Variants in ADAMTSL1 observed in about 807,000 individuals in gnomAD.
ADAMTSL1 encodes the protein ADAMTS like 1, also known as ADAMTS-like protein 1.
ADAMTSL1 carries 126 observed loss-of-function variants against 201.8 expected under a neutral mutation model. The ratio of observed to expected loss-of-function variants is 0.62; its 90% confidence interval spans 0.54 to 0.72. The LOEUF (loss-of-function observed/expected upper bound fraction) is 0.72, where lower values mean the gene tolerates loss of function less well. Among genes scored for constraint, ADAMTSL1 ranks in the 30% least tolerant of loss-of-function variants. The pLI is 0.00. For synonymous variants in ADAMTSL1, 1,121 were observed against 903.4 expected, an observed-to-expected ratio of 1.24 and a Z score of -4.32; for missense variants, 2,679 against 2,277.8, an observed-to-expected ratio of 1.18 and a Z score of -3.59.
chr9:18,885,441 T>C (rs1588305860), intron 23 of ADAMTSL1, among the ~76,000 whole-genome samples: 2 of 152,362 alleles, frequency 1.3e-5, no homozygotes, highest in African/African-American at 4.8e-5. Context: ...TTTCTTCTTT[T>C]TGATGCTGTT....
At chr9:18,441,734 G>T (rs889491148) in intron 2 of ADAMTSL1, among the ~76,000 whole-genome samples, 2 of 151,990 alleles carry the variant, frequency 1.3e-5, no homozygotes, top group Non-Finnish European at 2.9e-5. Flanking sequence ...TTAAATATGT[G>T]TGTCCCAGGA....
At position 17,909,680 on chromosome 9, in the gene ADAMTSL1, T is replaced by C. The variant is rs568361741; in HGVS notation, c.87+2758T>C. Reference sequence around the variant, plus strand: ...AAAAATGATGAGTTCATGTCCTTTGTAGGGACATGGATGAAATTGGAAATC... The same window carrying C: ...AAAAATGATGAGTTCATGTCCTTTGCAGGGACATGGATGAAATTGGAAATC... On this transcript the variant is annotated intron_variant, in intron 1 of 29. Coordinates refer to the ADAMTSL1 transcript ENST00000680146. Among the ~76,000 whole-genome samples, 21 of 67,302 alleles carry C rather than the reference T, an allele frequency of 3.1e-4. 8 individuals are homozygous for C. Among genetic ancestry groups the C allele is most frequent in the Admixed American group, 9.0e-4 (5 of 5,530 alleles). The allele number at this position is 67,302 out of a possible 152,430, so 44.2% of individuals were successfully genotyped here.
chr9:18,159,432 C>T (rs1224943013), intron 1 of ADAMTSL1, among the ~76,000 whole-genome samples: 1 of 152,010 alleles, frequency 6.6e-6, no homozygotes, highest in Non-Finnish European at 1.5e-5. Context: ...GTTATTTCCA[C>T]AGCTCTTCCT....
chr9:18,774,760 G>T, intron 17 of ADAMTSL1, among the ~76,000 whole-genome samples: 1 of 152,084 alleles, frequency 6.6e-6, no homozygotes, highest in Non-Finnish European at 1.5e-5. Context: ...TATAGATATG[G>T]CATATTTTGT....
chr9:18,729,504 C>A (rs1423564935), intron 15 of ADAMTSL1, among the ~76,000 whole-genome samples: 1 of 152,162 alleles, frequency 6.6e-6, no homozygotes, highest in Non-Finnish European at 1.5e-5. Flanking sequence ...CATTGAAATG[C>A]TGAATGTTTT....
chr9:17,934,377 T>C (rs1826918184), intron 1 of ADAMTSL1, among the ~76,000 whole-genome samples: 1 of 152,172 alleles, frequency 6.6e-6, no homozygotes, highest in South Asian at 2.1e-4. Flanking sequence ...TTTATGACCT[T>C]ACTTCCCTCC....
At chr9:18,079,598 C>T (rs1823388226) in intron 1 of ADAMTSL1, among the ~76,000 whole-genome samples, 1 of 151,716 alleles carries the variant, frequency 6.6e-6, no homozygotes, top group Non-Finnish European at 1.5e-5. Flanking sequence ...AGGAGAATGG[C>T]GTTAACCCAC....
intron 15 of ADAMTSL1, among the ~76,000 whole-genome samples, chr9:18,748,439 A>G (rs970351204): frequency 6.6e-6 from 1 of 152,232 alleles, no homozygotes; most frequent in Non-Finnish European, 1.5e-5. Flanking sequence ...GAAAAACACC[A>G]TAATCCAACA....
intron 23 of ADAMTSL1, among the ~76,000 whole-genome samples, chr9:18,830,382 T>A (rs1824898737): frequency 6.6e-6 from 1 of 152,186 alleles, no homozygotes; most frequent in East Asian, 1.9e-4. Flanking sequence ...AGAGCAATAA[T>A]CAACTTTCGA....
chr9:18,467,709 G>A (rs1419093909), intron 2 of ADAMTSL1, among the ~76,000 whole-genome samples: 4 of 152,236 alleles, frequency 2.6e-5, no homozygotes, highest in East Asian at 1.9e-4. Flanking sequence ...GAAGGGACAG[G>A]ATGAACAAAT....
chr9:18,143,493 G>A (rs1057256905), intron 1 of ADAMTSL1, among the ~76,000 whole-genome samples: 3 of 114,596 alleles, frequency 2.6e-5, no homozygotes, highest in African/African-American at 8.5e-5. Flanking sequence ...GAGCTGCCGT[G>A]TGCTTTTGTG....
intron 1 of ADAMTSL1, among the ~76,000 whole-genome samples, chr9:18,078,581 T>A (rs886326696): frequency 1.3e-5 from 2 of 152,110 alleles, no homozygotes; most frequent in Non-Finnish European, 2.9e-5. Context: ...GGAAAATAGA[T>A]ATTTCTTTGG....
In ADAMTSL1 at chr9:18,753,360, A is replaced by G; in HGVS notation, c.2069A>G (p.Asp690Gly). The change falls in exon 16 of 29, where the codon GAC becomes GGC. Residue 690 changes from aspartate (D) to glycine (G), a missense_variant. Transcript: ENST00000380548. ...LTCGVGLQTR[D>G]VFCSHLLSRE... ...TGTGGGGTCGGCCTACAGACCAGAG[A>G]CGTCTTCTGCAGCCACCTGCTTTCC... 1.2e-6 allele frequency: 2 copies of G among 1,612,404 alleles called. No homozygotes were observed. The highest frequency in any genetic ancestry group is 1.7e-6 in the Non-Finnish European group (2 of 1,179,366).
chr9:18,454,685 C>T (rs1425236500), intron 2 of ADAMTSL1, among the ~76,000 whole-genome samples: 1 of 152,064 alleles, frequency 6.6e-6, no homozygotes, highest in Non-Finnish European at 1.5e-5. Flanking sequence ...ATTTCTGGCC[C>T]TTAATTTTTC....
chr9:18,603,341 A>ATATGC (rs5896789), intron 4 of ADAMTSL1, among the ~76,000 whole-genome samples: 2,931 of 118,512 alleles, frequency 0.025, 424 homozygotes, highest in South Asian at 0.04. Flanking sequence ...CTCCAAAGCT[A>ATATGC]TATGCTATGC....
chr9:18,325,859 G>A (rs528030055), intron 2 of ADAMTSL1, among the ~76,000 whole-genome samples: 2,066 of 151,952 alleles, frequency 0.014, 22 homozygotes, highest in Non-Finnish European at 0.02. Context: ...TCCTGCCTCC[G>A]CCTCCCGCGT....
chr9:17,948,882 C>T (rs777635517), intron 1 of ADAMTSL1, among the ~76,000 whole-genome samples: 1 of 152,184 alleles, frequency 6.6e-6, no homozygotes, highest in Non-Finnish European at 1.5e-5. Flanking sequence ...TGTGATTGTG[C>T]TAATTATCAG....
chr9:18,451,048 A>G (rs888356536), intron 2 of ADAMTSL1, among the ~76,000 whole-genome samples: 1 of 152,214 alleles, frequency 6.6e-6, no homozygotes, highest in Non-Finnish European at 1.5e-5. Flanking sequence ...CACCAAGGTA[A>G]GTTTCAGGTA....
At chr9:18,629,907 A>G (rs930919503) in intron 5 of ADAMTSL1, among the ~76,000 whole-genome samples, 3 of 152,124 alleles carry the variant, frequency 2.0e-5, no homozygotes, top group African/African-American at 7.2e-5. Context: ...GAACTTATGG[A>G]ACACCATTAT....
Sources: allele counts gnomAD v4.1 joint callset (sites outside exome capture counted in the v4.1 genomes callset), GRCh38; gene constraint gnomAD v4.1.1; transcripts MANE v1.5; gene names NCBI Gene and HGNC (gene_info 2026-07-23, HGNC 2026-07-21).